The following MOK variants were observed in gnomAD, a reference collection of about 807,000 sequenced individuals.
The protein encoded by MOK is MOK protein kinase, also known as MAPK/MAK/MRK overlapping kinase.
MOK carries 59 observed loss-of-function variants against 54.2 expected under a neutral mutation model. The ratio of observed to expected loss-of-function variants is 1.09; its 90% CI spans 0.88 to 1.35. The LOEUF is 1.35. Ranked by LOEUF, MOK falls within the 40% of genes most tolerant of loss-of-function variation. The pLI, the probability that MOK is intolerant of heterozygous loss-of-function variation, is 0.00. For missense variants in MOK, 517 were observed against 526.2 expected (o/e 0.98, Z 0.17); for synonymous variants, 210 against 202.7 (o/e 1.04, Z -0.31).
At chr14:102,226,382 G>A (rs1347485710), downstream of MOK, 3 of 703,120 alleles carry the variant, frequency 4.3e-6, no homozygotes, top group Admixed American at 4.0e-5. This position sits in a 1 kb window ranked among gnomAD's most constrained non-coding sequence, Gnocchi z 4.8. Flanking sequence ...GACGGCTGAG[G>A]CCTCATCCTC....
At chr14:102,272,597 C>T (rs573629928) in intron 2 of MOK, among the ~76,000 whole-genome samples, 1 of 152,038 alleles carries the variant, frequency 6.6e-6, no homozygotes, top group Non-Finnish European at 1.5e-5. Context: ...CCCAGCTATA[C>T]TGGGAATGCA....
At chr14:102,291,968 A>C (rs982340889) in intron 1 of MOK, among the ~76,000 whole-genome samples, 4 of 151,658 alleles carry the variant, frequency 2.6e-5, no homozygotes, top group African/African-American at 9.7e-5. Flanking sequence ...AAAAAAAAAA[A>C]AACTAACAAT....
Position 102,305,055 on chromosome 14 carries a change from C to T in MOK, c.-87G>A, listed in dbSNP as rs1026799440. On this transcript the variant is annotated 5_prime_UTR_variant, in exon 1 of 12. Coordinates refer to ENST00000361847, the MANE Select transcript of MOK (RefSeq NM_014226.3). The stretch of plus-strand genomic sequence containing the variant: ...AAGGTTGTCCCCCTGCTTTCCACTT[C>T]CCTGAGGCGGGGTCCCGCACTAGGA... The T allele has an allele frequency of 4.0e-6, 6 of 1,497,214 alleles. No individual in the cohort carries two copies. Among genetic ancestry groups the T allele is most frequent in the African/African-American group, 2.8e-5 (2 of 72,604 alleles). The allele number at this position is 1,497,214 out of a possible 1,614,324, so 92.7% of individuals were successfully genotyped here. A position where few individuals can be genotyped will look rare whatever the true frequency, so the allele number is the denominator to read the frequency against.
Position 102,263,625 on chromosome 14 carries a change from G to A in MOK, c.213-9C>T. The A allele has an allele frequency of 1.3e-6, 2 of 1,586,998 alleles. No homozygotes were observed. The highest frequency in any genetic ancestry group is 1.7e-6 in the Non-Finnish European group (2 of 1,167,206). Reference sequence around the variant, plus strand: ...AACCAGATTTTCTGTCACTGAAGAAGAAAGCAAGTTTTTAAAATAAATTTT... The same window carrying A: ...AACCAGATTTTCTGTCACTGAAGAAAAAAGCAAGTTTTTAAAATAAATTTT... On this transcript the variant is annotated splice_polypyrimidine_tract_variant and intron_variant, in intron 3 of 11. Coordinates refer to ENST00000361847, the MANE Select transcript of MOK (RefSeq NM_014226.3).
chr14:102,270,245 A>G (rs2068242056), intron 2 of MOK, among the ~76,000 whole-genome samples: 1 of 152,268 alleles, frequency 6.6e-6, no homozygotes, highest in African/African-American at 2.4e-5. Flanking sequence ...CAGCTAAAAC[A>G]GGATTTAGAA....
intron 1 of MOK, among the ~76,000 whole-genome samples, chr14:102,293,434 C>T (rs1271643508): frequency 6.6e-6 from 1 of 152,122 alleles, no homozygotes; most frequent in East Asian, 1.9e-4. Context: ...TGCGGTGGCT[C>T]ACGCCTGTAA....
chr14:102,243,001 G>A (rs1281647176), intron 7 of MOK, among the ~76,000 whole-genome samples: 1 of 152,098 alleles, frequency 6.6e-6, no homozygotes, highest in African/African-American at 2.4e-5. Flanking sequence ...TTCATGGACA[G>A]CCCCCATTAC....
chr14:102,297,693 G>A (rs2071594579), intron 1 of MOK, among the ~76,000 whole-genome samples: 1 of 152,202 alleles, frequency 6.6e-6, no homozygotes, highest in African/African-American at 2.4e-5. Context: ...AGGGAGAGGT[G>A]CAGGCGGGAA....
Position 102,240,968 on chromosome 14 carries a change from G to A in MOK, c.591-7179C>T, listed in dbSNP as rs1241788381. On this transcript the variant is annotated intron_variant, in intron 7 of 11. Transcript: ENST00000361847. The surrounding 1 kb of genome is among the most constrained non-coding windows in gnomAD (Gnocchi z 5.4). Reference sequence around the variant, plus strand: ...CCTGACCTAAAACCTAAGTGTCTTCGCCAACACCACTTGGCCCCAATACAA... The same window carrying A: ...CCTGACCTAAAACCTAAGTGTCTTCACCAACACCACTTGGCCCCAATACAA... Among the ~76,000 whole-genome samples the A allele has an allele frequency of 2.6e-5, 4 of 151,894 alleles. No individual in the cohort carries two copies. Among genetic ancestry groups the A allele is most frequent in the Non-Finnish European group, 5.9e-5 (4 of 67,970 alleles).
intron 4 of MOK, among the ~76,000 whole-genome samples, chr14:102,258,081 T>A (rs1253375806): frequency 6.6e-6 from 1 of 152,172 alleles, no homozygotes; most frequent in Non-Finnish European, 1.5e-5. Context: ...TTTTACTATA[T>A]TTTACAAAAA....
chr14:102,275,206 G>T (rs1290483470), intron 2 of MOK, among the ~76,000 whole-genome samples: 1 of 152,072 alleles, frequency 6.6e-6, no homozygotes, highest in Non-Finnish European at 1.5e-5. Context: ...TGGAACAACT[G>T]GATATTCATT....
intron 7 of MOK, among the ~76,000 whole-genome samples, chr14:102,234,731 A>T (rs1412828123): frequency 6.6e-6 from 1 of 152,136 alleles, no homozygotes; most frequent in East Asian, 1.9e-4. Flanking sequence ...CTTTTACTGT[A>T]ACACCACATG....
intron 7 of MOK, chr14:102,237,884 GTCC>G (rs1215659020): frequency 6.6e-6 from 1 of 152,198 alleles, no homozygotes; most frequent in Non-Finnish European, 1.5e-5. Context: ...ACCACCTACA[GTCC>G]TCATAATCTA....
At chr14:102,256,571 CA>C (rs111796222) in intron 4 of MOK, among the ~76,000 whole-genome samples, 64 of 142,090 alleles carry the variant, frequency 4.5e-4, no homozygotes, top group South Asian at 6.7e-4. Flanking sequence ...GACTCCGTCT[CA>C]AAAAAAAAAA....
chr14:102,279,222 GACTC>G (rs1253913290), intron 2 of MOK, among the ~76,000 whole-genome samples: 2 of 152,068 alleles, frequency 1.3e-5, no homozygotes, highest in Non-Finnish European at 2.9e-5. Context: ...TTTTTTAAGA[GACTC>G]ACTCCATTTC....
chr14:102,233,570 G>A, intron 8 of MOK, 118 bp downstream of exon 8: 1 of 792,682 alleles, frequency 1.3e-6, no homozygotes, highest in South Asian at 1.7e-5. Flanking sequence ...TTGAACCCCT[G>A]TAGTCAGCCA....
At chr14:102,218,777 C>T in the MOK span, among the ~76,000 whole-genome samples, 15 of 152,256 alleles carry the variant, frequency 9.9e-5, no homozygotes, top group Admixed American at 3.9e-4. Flanking sequence ...GCTGATGGGA[C>T]GCCGTGCAGA....
downstream of MOK, among the ~76,000 whole-genome samples, chr14:102,220,807 C>G (rs1338966185): frequency 6.6e-6 from 1 of 152,066 alleles, no homozygotes; most frequent in East Asian, 1.9e-4. The surrounding 1 kb of genome is among the most constrained non-coding windows in gnomAD (Gnocchi z 4.2). Flanking sequence ...GGGTCTTGCT[C>G]TATCCCCCAG....
Position 102,305,109 on chromosome 14 carries a change from G to T in MOK, c.-141C>A, listed in dbSNP as rs978109427. Reference sequence around the variant, plus strand: ...CCGTGGTGGTCCCTCGAAGGAGAGCGTTAGAGATCCCGCCGCCATGTTGTG... The same window carrying T: ...CCGTGGTGGTCCCTCGAAGGAGAGCTTTAGAGATCCCGCCGCCATGTTGTG... On this transcript the variant is annotated 5_prime_UTR_variant, in exon 1 of 12. Transcript: ENST00000361847. 6.0e-6 allele frequency: 6 copies of T among 994,854 alleles called. No homozygotes were observed. Among genetic ancestry groups the T allele is most frequent in the East Asian group, 2.6e-5 (1 of 38,072 alleles). 61.6% of individuals were successfully genotyped at this position (994,854 alleles called of 1,614,324 possible).
Sources: gnomAD v4.1 joint callset for allele counts (sites outside exome capture counted in the v4.1 genomes callset) on GRCh38, gnomAD v4.1.1 for gene constraint, Gnocchi (gnomAD v3.1) non-coding constraint, MANE v1.5 for transcripts, NCBI Gene and HGNC (gene_info 2026-07-23, HGNC 2026-07-21) for gene names.